The following SPATA16 variants were observed in gnomAD, a reference collection of about 807,000 sequenced individuals.
The protein encoded by SPATA16 is spermatogenesis associated 16, also known as spermatogenesis-associated protein 16.
In SPATA16, 36 loss-of-function variants were observed where a neutral mutation model predicts 63.3. The observed-to-expected ratio is 0.57, with a 90% CI of 0.44 to 0.75. The LOEUF is 0.75. Ranked by LOEUF, SPATA16 falls within the 30% of genes least tolerant of loss-of-function variation. SPATA16 has a pLI of 0.00. For synonymous variants in SPATA16, 203 were observed against 216.7 expected, an observed-to-expected ratio of 0.94 and a Z score of 0.56; for missense variants, 646 against 679.3, an observed-to-expected ratio of 0.95 and a Z score of 0.54.
chr3:172,959,236 C>A (rs958625278), intron 5 of SPATA16, among the ~76,000 whole-genome samples: 1 of 152,152 alleles, frequency 6.6e-6, no homozygotes, highest in African/African-American at 2.4e-5. Context: ...GGTAGCTTGG[C>A]GAAGCCATCT....
At chr3:172,982,710 CAGTTTTATTTATTTATTTGTA>C (rs1734349322) in intron 4 of SPATA16, among the ~76,000 whole-genome samples, 1 of 151,988 alleles carries the variant, frequency 6.6e-6, no homozygotes, top group African/African-American at 2.4e-5. Flanking sequence ...TTTTATTTTC[CAGTTTTATTTATTTATTTGTA>C]ATTAATATCA....
chr3:172,979,773 T>G (rs765031193), intron 4 of SPATA16, among the ~76,000 whole-genome samples: 4 of 152,182 alleles, frequency 2.6e-5, no homozygotes, highest in Non-Finnish European at 5.9e-5. Context: ...ATTGAAACCA[T>G]GAAGAATTAA....
intron 4 of SPATA16, among the ~76,000 whole-genome samples, chr3:172,998,249 A>G (rs1156740224): frequency 6.6e-6 from 1 of 152,036 alleles, no homozygotes; most frequent in East Asian, 1.9e-4. Context: ...GATCTTGTAC[A>G]TAGTTTTGTT....
At chr3:172,904,210 G>C (rs1452913457) in intron 10 of SPATA16, among the ~76,000 whole-genome samples, 2 of 152,152 alleles carry the variant, frequency 1.3e-5, no homozygotes, top group Non-Finnish European at 2.9e-5. Context: ...TAAGACATCA[G>C]GAATAATAAC....
chr3:173,109,154 A>T (rs1159330570), intron 2 of SPATA16, among the ~76,000 whole-genome samples: 2 of 152,124 alleles, frequency 1.3e-5, no homozygotes, highest in Non-Finnish European at 2.9e-5. Context: ...AGTAATGGGA[A>T]AACTCTGTTC....
chr3:172,907,478 A>T (rs946943664), intron 10 of SPATA16, among the ~76,000 whole-genome samples: 1 of 151,872 alleles, frequency 6.6e-6, no homozygotes, highest in African/African-American at 2.4e-5. Context: ...GTCCTCTCTC[A>T]CTTCATCTCT....
intron 10 of SPATA16, among the ~76,000 whole-genome samples, chr3:172,896,972 T>G (rs1401987628): frequency 2.0e-5 from 3 of 152,086 alleles, no homozygotes; most frequent in Non-Finnish European, 4.4e-5. Context: ...TTTATAAACT[T>G]TTATGGATTG....
chr3:173,123,372 T>A (rs532807760), intron 1 of SPATA16, among the ~76,000 whole-genome samples: 91 of 152,258 alleles, frequency 6.0e-4, no homozygotes, highest in African/African-American at 2.2e-3. Context: ...CATGTCAAAT[T>A]CCATGCTTTT....
chr3:172,902,797 T>C (rs1419802754), intron 10 of SPATA16, among the ~76,000 whole-genome samples: 2 of 152,148 alleles, frequency 1.3e-5, no homozygotes, highest in African/African-American at 4.8e-5. Flanking sequence ...GAGACATGGG[T>C]ATATTTTGCT....
chr3:173,003,797 A>T (rs943044816), intron 4 of SPATA16, among the ~76,000 whole-genome samples: 3 of 152,214 alleles, frequency 2.0e-5, no homozygotes, highest in African/African-American at 7.2e-5. Flanking sequence ...AGCAGCAGCA[A>T]TGACTAATTG....
intron 3 of SPATA16, among the ~76,000 whole-genome samples, chr3:173,023,137 ATGTGTGTGTGTGTGTG>A (rs11282206): frequency 1.4e-5 from 2 of 139,958 alleles, no homozygotes; most frequent in Middle Eastern, 3.6e-3. Flanking sequence ...ATGCTTGTGT[ATGTGTGTGTGTGTGTG>A]TGTGTGTGTG....
chr3:172,936,479 T>C (rs1732996742), intron 6 of SPATA16, among the ~76,000 whole-genome samples: 1 of 152,196 alleles, frequency 6.6e-6, no homozygotes, highest in East Asian at 1.9e-4. Flanking sequence ...CTCTTTCATT[T>C]GGCTGTTTCT....
chr3:172,985,978 C>A (rs1734446319), intron 4 of SPATA16, among the ~76,000 whole-genome samples: 1 of 152,134 alleles, frequency 6.6e-6, no homozygotes. Flanking sequence ...TCAGCCATTG[C>A]TAGTCTGGAT....
At chr3:172,921,139 C>G (rs1732607597) in intron 8 of SPATA16, among the ~76,000 whole-genome samples, 1 of 150,680 alleles carries the variant, frequency 6.6e-6, no homozygotes. Flanking sequence ...TGGGCTCAAG[C>G]TGTCCTTCCA....
chr3:173,130,143 C>T (rs1160651505), intron 1 of SPATA16, among the ~76,000 whole-genome samples: 1 of 151,904 alleles, frequency 6.6e-6, no homozygotes, highest in Admixed American at 6.6e-5. Context: ...CGGCGGATCA[C>T]GAGGTTAAGA....
At chr3:172,901,775 C>T (rs1027215419) in intron 10 of SPATA16, among the ~76,000 whole-genome samples, 11 of 152,182 alleles carry the variant, frequency 7.2e-5, no homozygotes, top group African/African-American at 2.4e-4. Context: ...TGGGTTTCCA[C>T]TGATACCTTC....
At chr3:172,998,456 T>C (rs1457948891) in intron 4 of SPATA16, among the ~76,000 whole-genome samples, 1 of 152,148 alleles carries the variant, frequency 6.6e-6, no homozygotes, top group Admixed American at 6.5e-5. Flanking sequence ...ATTTTAGATT[T>C]TCTTCATTGA....
At chr3:172,920,516 A>G (rs1312891305) in intron 8 of SPATA16, among the ~76,000 whole-genome samples, 1 of 152,198 alleles carries the variant, frequency 6.6e-6, no homozygotes, top group Non-Finnish European at 1.5e-5. Flanking sequence ...GCTTTGGTTG[A>G]GAGTAAGTTG....
intron 3 of SPATA16, among the ~76,000 whole-genome samples, chr3:173,026,216 T>G (rs920336793): frequency 6.6e-6 from 1 of 151,524 alleles, no homozygotes; most frequent in East Asian, 1.9e-4. Context: ...CATGTGATTA[T>G]TGGCCATTTG....
Sources: allele counts gnomAD v4.1 joint callset (sites outside exome capture counted in the v4.1 genomes callset), GRCh38; gene constraint gnomAD v4.1.1; transcripts MANE v1.5; gene names NCBI Gene and HGNC (gene_info 2026-07-23, HGNC 2026-07-21).